The following PTPRG variants were observed in gnomAD, a reference collection of about 807,000 sequenced individuals.
The protein encoded by PTPRG is protein tyrosine phosphatase receptor type G.
In PTPRG, 102 loss-of-function variants were observed where a neutral mutation model predicts 165.3. The observed-to-expected ratio is 0.62, with a 90% CI of 0.53 to 0.73. PTPRG has a LOEUF of 0.73. PTPRG is among the 30% of genes least tolerant of loss of function. PTPRG has a pLI of 0.00. For missense variants in PTPRG, 1,866 were observed against 1,861.4 expected (o/e 1.00, Z -0.05); for synonymous variants, 675 against 669.5 (o/e 1.01, Z -0.13).
intron 1 of PTPRG, among the ~76,000 whole-genome samples, chr3:61,639,652 T>C (rs987018001): frequency 6.6e-6 from 1 of 152,188 alleles, no homozygotes; most frequent in Non-Finnish European, 1.5e-5. Context: ...CCTAGGTATT[T>C]TATTCTTTTT....
At chr3:62,184,669 A>T (rs895227304) in intron 8 of PTPRG, among the ~76,000 whole-genome samples, 1 of 152,000 alleles carries the variant, frequency 6.6e-6, no homozygotes. Context: ...CATCTCCCCC[A>T]CGGTCGTCTG....
At chr3:61,838,077 G>T (rs1373578310) in intron 2 of PTPRG, among the ~76,000 whole-genome samples, 2 of 152,164 alleles carry the variant, frequency 1.3e-5, no homozygotes, top group Non-Finnish European at 2.9e-5. Context: ...TGCAGGGGAG[G>T]CACAATTAAG....
rs146559449 is a variant in PTPRG at position 62,022,464 on chromosome 3, A to C, written c.519+18967A>C. 8.5e-4 allele frequency among the ~76,000 whole-genome samples: 130 copies of C among 152,244 alleles called. No homozygotes were observed. The East Asian group carries it at 0.019, about 22-fold the overall frequency. On this transcript the variant is annotated intron_variant, in intron 4 of 29. Transcript: ENST00000474889. ...TTGTCACCTTCTCTTGGCTCAGGAG[A>C]GGGTGGAAAGTTCAACAGGTTTTAC... is the stretch of plus-strand genomic sequence containing the variant.
intron 2 of PTPRG, among the ~76,000 whole-genome samples, chr3:61,950,310 G>A (rs1452736360): frequency 6.6e-6 from 1 of 152,042 alleles, no homozygotes; most frequent in Non-Finnish European, 1.5e-5. Flanking sequence ...TTATACCTGT[G>A]TTATGACACC....
Position 62,195,083 on chromosome 3 carries a change from TCA to T in PTPRG, c.1242_1243del (p.Pro415ArgfsTer2), listed in dbSNP as rs1343421705. Reference protein sequence around the residue: ...KDLKATISHVSPDSLYLFRVQ... With the variant: ...KDLKATISHVXPDSLYLFRVQ... ...ACAGAAAGCCACCATTAGCCATGTC[TCA>T]CCCGATAGCCTTTACCTGTTCCGAG... On this transcript the variant is annotated frameshift_variant, in exon 10 of 30. Coordinates refer to ENST00000474889, the MANE Select transcript of PTPRG (RefSeq NM_002841.4). LOFTEE classifies it high-confidence loss of function. The surrounding 1 kb of genome is among the most constrained non-coding windows in gnomAD (Gnocchi z 4.4). 6.2e-7 allele frequency: 1 copy of T among 1,614,228 alleles called. No individual in the cohort carries two copies. The highest frequency in any genetic ancestry group is 8.5e-7 in the Non-Finnish European group (1 of 1,180,036).
intron 2 of PTPRG, among the ~76,000 whole-genome samples, chr3:61,983,314 G>T (rs1199172198): frequency 3.9e-5 from 6 of 152,036 alleles, no homozygotes; most frequent in Non-Finnish European, 8.8e-5. Context: ...CGGATAAAAA[G>T]CATTAATTAT....
intron 1 of PTPRG, among the ~76,000 whole-genome samples, chr3:61,734,364 G>A (rs1307520530): frequency 6.6e-6 from 1 of 152,142 alleles, no homozygotes; most frequent in African/African-American, 2.4e-5. Context: ...AAAACTGGAG[G>A]TTTCCAGTTG....
At chr3:61,812,983 A>G (rs1426239340) in intron 2 of PTPRG, among the ~76,000 whole-genome samples, 1 of 152,198 alleles carries the variant, frequency 6.6e-6, no homozygotes, top group East Asian at 1.9e-4. Context: ...TCCTGTAAAC[A>G]GTTTTGTTAC....
At chr3:62,290,906 A>G (rs1013155675) in intron 28 of PTPRG, among the ~76,000 whole-genome samples, 9 of 152,176 alleles carry the variant, frequency 5.9e-5, no homozygotes, top group African/African-American at 2.2e-4. Context: ...TAAAAGATGT[A>G]TCAACTTGAT....
At position 61,986,167 on chromosome 3, in the gene PTPRG, C is replaced by T. The variant is rs1351259; in HGVS notation, c.191-3458C>T. On this transcript the variant is annotated intron_variant, in intron 2 of 29. Transcript: ENST00000474889. ...CATCATATTAAAGAGTGGAACTCTG[C>T]CACTCTTTAATGTCTTCTTTCAGTT... Among the ~76,000 whole-genome samples the T allele has an allele frequency of 9.7e-3, 1,449 of 149,346 alleles. 17 individuals carry two copies. Among genetic ancestry groups the T allele is most frequent in the African/African-American group, 0.035 (1,363 of 38,834 alleles).
chr3:61,671,112 A>G (rs1281757677), intron 1 of PTPRG, among the ~76,000 whole-genome samples: 3 of 147,328 alleles, frequency 2.0e-5, no homozygotes, highest in Non-Finnish European at 4.5e-5. Context: ...AGGTCTTAGG[A>G]CTTCTCCTGA....
At chr3:61,704,424 C>T (rs2031142333) in intron 1 of PTPRG, among the ~76,000 whole-genome samples, 1 of 152,118 alleles carries the variant, frequency 6.6e-6, no homozygotes, top group Non-Finnish European at 1.5e-5. Context: ...GGATTCTTCA[C>T]CTTTTCTTGG....
chr3:62,280,114 G>A (rs1576217230), intron 26 of PTPRG, among the ~76,000 whole-genome samples: 1 of 151,952 alleles, frequency 6.6e-6, no homozygotes, highest in Non-Finnish European at 1.5e-5. Context: ...CCTGATTCAA[G>A]GCTGAAAGAC....
chr3:62,069,159 AAG>A lies in PTPRG; in HGVS notation c.520-9000_520-8999del, dbSNP rs556765200. On this transcript the variant is annotated intron_variant, in intron 4 of 29. Transcript: ENST00000474889. Reference sequence around the variant, plus strand: ...GAAGAAAGTCATCAGGACATATTGTAAGAGAAAAATGAGAGCTGTTTCATCAG... The same window carrying A: ...GAAGAAAGTCATCAGGACATATTGTAAGAAAAATGAGAGCTGTTTCATCAG... Among the ~76,000 whole-genome samples the A allele has an allele frequency of 3.9e-4, 59 of 152,342 alleles. No homozygotes were observed. In the South Asian group the frequency reaches 0.012, roughly 30 times the overall value.
At chr3:61,691,315 G>T (rs1393711368) in intron 1 of PTPRG, among the ~76,000 whole-genome samples, 2 of 152,168 alleles carry the variant, frequency 1.3e-5, no homozygotes, top group Non-Finnish European at 2.9e-5. Flanking sequence ...GCTGATACAA[G>T]AGGATCGCTT....
At chr3:62,107,360 A>C (rs767966541) in intron 5 of PTPRG, among the ~76,000 whole-genome samples, 1 of 152,254 alleles carries the variant, frequency 6.6e-6, no homozygotes, top group African/African-American at 2.4e-5. Context: ...CTTCTGGGCT[A>C]TTAAAGATGC....
intron 2 of PTPRG, among the ~76,000 whole-genome samples, chr3:61,848,139 A>G (rs2036857151): frequency 6.6e-6 from 1 of 152,222 alleles, no homozygotes; most frequent in African/African-American, 2.4e-5. Flanking sequence ...CACACTTTGC[A>G]TTGGCTGAAG....
chr3:62,114,988 T>C (rs1702808608), intron 5 of PTPRG, among the ~76,000 whole-genome samples: 1 of 152,190 alleles, frequency 6.6e-6, no homozygotes. Flanking sequence ...TATGGTAATT[T>C]ACATTCTTGG....
intron 17 of PTPRG, among the ~76,000 whole-genome samples, chr3:62,266,648 G>C (rs546570506): frequency 6.6e-6 from 1 of 151,830 alleles, no homozygotes; most frequent in South Asian, 2.1e-4. Flanking sequence ...TGCCTATGCT[G>C]ATCCACTCAT....
Sources: allele counts gnomAD v4.1 joint callset (sites outside exome capture counted in the v4.1 genomes callset), GRCh38; gene constraint gnomAD v4.1.1; non-coding constraint Gnocchi (gnomAD v3.1); transcripts MANE v1.5; gene names NCBI Gene and HGNC (gene_info 2026-07-23, HGNC 2026-07-21).